The following SPACA1 variants were observed in gnomAD, a reference collection of about 807,000 sequenced individuals.
SPACA1 encodes the protein sperm acrosome associated 1.
In SPACA1, 17 loss-of-function variants were observed where a neutral mutation model predicts 32.6. The observed-to-expected ratio is 0.52, with a 90% CI of 0.36 to 0.78. The LOEUF (loss-of-function observed/expected upper bound fraction) is 0.78. Among genes scored for constraint, SPACA1 ranks in the 30% least tolerant of loss-of-function variants. The pLI is 0.01. For missense variants in SPACA1, 363 were observed against 373.4 expected, an observed-to-expected ratio of 0.97 and a Z score of 0.23; for synonymous variants, 140 against 138.1, an observed-to-expected ratio of 1.01 and a Z score of -0.10.
At chr6:88,059,349 C>G in intron 4 of SPACA1, 104 bp from the exon 5 acceptor site, 2 of 1,036,180 alleles carry the variant, frequency 1.9e-6, no homozygotes, top group Non-Finnish European at 2.7e-6. Flanking sequence ...CTCAACTAGG[C>G]TAAGAGAGAC....
chr6:88,048,023 G>C lies in SPACA1; in HGVS notation c.118G>C (p.Gly40Arg), dbSNP rs1222341879. ...TNVTAAVQDAGLAHEGEGEEE... is the reference protein window; with the variant it reads ...TNVTAAVQDARLAHEGEGEEE... ...CGTCACCGCTGCCGTCCAGGATGCCGGCCTGGCCCACGAAGGCGAGGGCGA... is the reference window on the plus strand; with the variant it reads ...CGTCACCGCTGCCGTCCAGGATGCCCGCCTGGCCCACGAAGGCGAGGGCGA... Residue 40 changes from glycine (G) to arginine (R), a missense_variant, in exon 1 of 7, where the codon GGC becomes CGC. By Grantham distance (125) the Gly-to-Arg change is moderately radical. Transcript: ENST00000237201. 6.3e-7 allele frequency: 1 copy of C among 1,598,060 alleles called. No homozygotes were observed. Among genetic ancestry groups the C allele is most frequent in the Non-Finnish European group, 8.5e-7 (1 of 1,174,188 alleles).
chr6:88,061,396 C>T (rs976645455), intron 5 of SPACA1, among the ~76,000 whole-genome samples: 2 of 151,484 alleles, frequency 1.3e-5, no homozygotes, highest in African/African-American at 4.9e-5. Context: ...TAACTGGTGC[C>T]CTCATAAGAA....
chr6:88,059,310 G>A, intron 4 of SPACA1, 143 bp from the exon 5 acceptor site: 1 of 715,164 alleles, frequency 1.4e-6, no homozygotes, highest in Non-Finnish European at 2.2e-6. Context: ...TGGATTGTGT[G>A]ACTGAAAATC....
chr6:88,056,745 G>A (rs1045611585), intron 2 of SPACA1, among the ~76,000 whole-genome samples: 5 of 152,114 alleles, frequency 3.3e-5, no homozygotes, highest in African/African-American at 1.2e-4. Context: ...CTCTTTCTTA[G>A]CCTGTCTTAA....
At chr6:88,054,671 T>A (rs1488013178) in intron 2 of SPACA1, among the ~76,000 whole-genome samples, 1 of 151,976 alleles carries the variant, frequency 6.6e-6, no homozygotes, top group Non-Finnish European at 1.5e-5. Context: ...AAGAAAATAG[T>A]GATGAGAGGG....
chr6:88,065,774 C>T (rs1334250648), intron 6 of SPACA1, among the ~76,000 whole-genome samples: 1 of 149,946 alleles, frequency 6.7e-6, no homozygotes, highest in Non-Finnish European at 1.5e-5. Flanking sequence ...GTCATGTAAC[C>T]TTAGTGTAGA....
chr6:88,065,097 T>C (rs1405537426), intron 6 of SPACA1, among the ~76,000 whole-genome samples: 2 of 148,814 alleles, frequency 1.3e-5, no homozygotes, highest in East Asian at 1.9e-4. Context: ...CATGTAACTA[T>C]TATAAATATC....
chr6:88,046,993 A>G (rs577378639), upstream of SPACA1, among the ~76,000 whole-genome samples: 7 of 152,320 alleles, frequency 4.6e-5, no homozygotes, highest in African/African-American at 1.7e-4. Context: ...ATTAAGCCTC[A>G]AAGTATGGCA....
Position 88,057,650 on chromosome 6 carries a change from C to G in SPACA1, c.304C>G (p.Pro102Ala). 1 of 1,613,754 alleles carries G rather than the reference C, an allele frequency of 6.2e-7. No individual in the cohort carries two copies. The highest frequency in any genetic ancestry group is 8.5e-7 in the Non-Finnish European group (1 of 1,179,828). Residue 102 changes from proline to alanine, a missense_variant, in exon 3 of 7, where the codon CCT becomes GCT. Pro to Ala is a conservative substitution (Grantham distance 27). Transcript: ENST00000237201. ...VREVILTNGCPGGESKCVVRV... is the reference protein window; with the variant it reads ...VREVILTNGCAGGESKCVVRV... The stretch of plus-strand genomic sequence containing the variant: ...AGAAGTTATATTAACAAATGGATGC[C>G]CTGGTGGTGAATCCAAGTGTGTTGT...
chr6:88,057,567 T>A, intron 2 of SPACA1, 45 bp from the exon 3 acceptor site: 1 of 1,333,248 alleles, frequency 7.5e-7, no homozygotes. Context: ...CACTCTGGAA[T>A]CAGTTTTTTT....
At chr6:88,054,658 G>C (rs1450148690) in intron 2 of SPACA1, among the ~76,000 whole-genome samples, 1 of 152,042 alleles carries the variant, frequency 6.6e-6, no homozygotes, top group Admixed American at 6.5e-5. Context: ...AATCTGCCTT[G>C]GAAAGAAAAT....
At chr6:88,064,256 G>T in intron 6 of SPACA1, 37 bp downstream of exon 6, 1 of 1,588,618 alleles carries the variant, frequency 6.3e-7, no homozygotes, top group South Asian at 1.1e-5. Context: ...ACCCTTGATT[G>T]ACATCCTCTT....
chr6:88,063,759 A>G (rs985275903), intron 5 of SPACA1, among the ~76,000 whole-genome samples: 2 of 152,168 alleles, frequency 1.3e-5, no homozygotes, highest in African/African-American at 4.8e-5. Context: ...CTTGCTGAAA[A>G]ATTTTTGAGG....
intron 1 of SPACA1, among the ~76,000 whole-genome samples, chr6:88,050,355 C>T (rs887497581): frequency 2.6e-5 from 4 of 152,114 alleles, no homozygotes; most frequent in African/African-American, 2.4e-5. Flanking sequence ...GAAAATTCAT[C>T]TAGTATATTC....
intron 3 of SPACA1, 121 bp from the exon 4 acceptor site, chr6:88,058,595 T>C: frequency 1.6e-6 from 1 of 644,624 alleles, no homozygotes; most frequent in Non-Finnish European, 2.7e-6. Flanking sequence ...GCCAAGATCA[T>C]GCCACTCTAC....
At position 88,047,885 on chromosome 6, in the gene SPACA1, C is replaced by T. The variant is rs971568614; in HGVS notation, c.-21C>T. ...GCCGCGGCGGCGACTGCGCCTCGGACGGCCGTCGGGGCCGAGAACCATGAG... is the reference window on the plus strand; with the variant it reads ...GCCGCGGCGGCGACTGCGCCTCGGATGGCCGTCGGGGCCGAGAACCATGAG... On this transcript the variant is annotated 5_prime_UTR_variant, in exon 1 of 7. In the 5' UTR this introduces an upstream ATG that the reference lacks. Coordinates refer to ENST00000237201, the MANE Select transcript of SPACA1 (RefSeq NM_030960.3). The T allele has an allele frequency of 6.6e-7, 1 of 1,517,454 alleles. No homozygotes were observed. 94.0% of individuals were successfully genotyped at this position (1,517,454 alleles called of 1,614,324 possible).
Position 88,066,340 on chromosome 6 carries a change from T to C in SPACA1, c.*5T>C. 6.2e-7 allele frequency: 1 copy of C among 1,607,516 alleles called. No individual in the cohort carries two copies. On this transcript the variant is annotated 3_prime_UTR_variant, in exon 7 of 7. Transcript: ENST00000237201. ...TTAAGTGAATGGAATGAATGATGTTTGAATGATATATAACAAACCAAAGGA... is the reference window on the plus strand; with the variant it reads ...TTAAGTGAATGGAATGAATGATGTTCGAATGATATATAACAAACCAAAGGA...
Position 88,048,087 on chromosome 6 carries a change from A to C in SPACA1, c.182A>C (p.Asn61Thr), listed in dbSNP as rs538428968. The part of the protein sequence containing the change: ...TENNDSETAE[N>T]YAPPETEDVS... ...AACAACGACAGCGAGACCGCGGAGA[A>C]CTACGCTCCGCCTGAAACCGAGGAT... The change falls in exon 1 of 7, where the codon AAC becomes ACC. Residue 61 changes from asparagine (N) to threonine (T), a missense_variant. Coordinates refer to ENST00000237201, the MANE Select transcript of SPACA1 (RefSeq NM_030960.3). 1.3e-6 allele frequency: 2 copies of C among 1,598,390 alleles called. No individual in the cohort carries two copies. The highest frequency in any genetic ancestry group is 4.5e-5 in the East Asian group (2 of 44,264).
At chr6:88,065,800 A>G (rs1385689283) in intron 6 of SPACA1, among the ~76,000 whole-genome samples, 1 of 147,912 alleles carries the variant, frequency 6.8e-6, no homozygotes, top group Non-Finnish European at 1.5e-5. Flanking sequence ...AACATTTTTG[A>G]ATAGTAATTT....
Sources: allele counts gnomAD v4.1 joint callset (sites outside exome capture counted in the v4.1 genomes callset), GRCh38; gene constraint gnomAD v4.1.1; transcripts MANE v1.5; gene names NCBI Gene and HGNC (gene_info 2026-07-23, HGNC 2026-07-21).